Variants in ROBO1 observed in about 807,000 individuals in gnomAD.
The protein encoded by ROBO1 is roundabout homolog 1.
ROBO1 carries 149 observed loss-of-function variants against 195.9 expected under a neutral mutation model. The observed-to-expected ratio is 0.76, with a 90% CI of 0.67 to 0.87. ROBO1 has a LOEUF of 0.87. Ranked by LOEUF, ROBO1 falls within the 40% of genes least tolerant of loss-of-function variation. The probability of loss-of-function intolerance (pLI) is 0.00; values close to 1 mark genes in which losing one functional copy is unlikely to be tolerated. For missense variants in ROBO1, 1,933 were observed against 2,068.3 expected, an observed-to-expected ratio of 0.93 and a Z score of 1.27; for synonymous variants, 816 against 733.2, an observed-to-expected ratio of 1.11 and a Z score of -1.82.
intron 1 of ROBO1, among the ~76,000 whole-genome samples, chr3:79,713,754 T>C (rs1000362585): frequency 6.6e-6 from 1 of 152,166 alleles, no homozygotes; most frequent in African/African-American, 2.4e-5. Context: ...TTAATCCATC[T>C]TGAATTAATT....
intron 1 of ROBO1, among the ~76,000 whole-genome samples, chr3:79,723,726 AAGAAGT>A (rs1702796705): frequency 6.6e-6 from 1 of 152,202 alleles, no homozygotes. Context: ...ATCACACAGT[AAGAAGT>A]AGAAGAAAAT....
intron 3 of ROBO1, among the ~76,000 whole-genome samples, chr3:79,109,746 T>A (rs1381326022): frequency 6.6e-6 from 1 of 152,126 alleles, no homozygotes; most frequent in Non-Finnish European, 1.5e-5. Flanking sequence ...GAGACGTCAA[T>A]CTTTAAAATT....
At chr3:79,489,163 A>G (rs1029192412) in intron 2 of ROBO1, among the ~76,000 whole-genome samples, 1 of 151,810 alleles carries the variant, frequency 6.6e-6, no homozygotes. Flanking sequence ...TTTTTCTCAT[A>G]AGACTTCAGA....
intron 2 of ROBO1, among the ~76,000 whole-genome samples, chr3:79,274,795 A>C (rs909401830): frequency 6.6e-6 from 1 of 152,052 alleles, no homozygotes; most frequent in South Asian, 2.1e-4. Context: ...GAAATGATGA[A>C]GGAAACATTG....
chr3:79,043,801 A>C (rs2078533816), intron 3 of ROBO1, among the ~76,000 whole-genome samples: 1 of 152,138 alleles, frequency 6.6e-6, no homozygotes, highest in African/African-American at 2.4e-5. Context: ...ACAAATTCCA[A>C]AGTTAAATGC....
chr3:78,717,220 G>C, intron 7 of ROBO1, 55 bp downstream of exon 7: 8 of 1,502,386 alleles, frequency 5.3e-6, no homozygotes, highest in Non-Finnish European at 7.1e-6. Context: ...ATGATGTGAT[G>C]AGAAACGTAG....
chr3:79,475,996 A>C lies in ROBO1; in HGVS notation c.88+113828T>G, dbSNP rs1199729495. ...AAATAAAATAAATGGAGTTAAAATG[A>C]TATTAAAAATCTGTTGAAGGACTAA... is the stretch of plus-strand genomic sequence containing the variant. On this transcript the variant is annotated intron_variant, in intron 2 of 30. Coordinates refer to ENST00000464233, the MANE Select transcript of ROBO1 (RefSeq NM_002941.4). 2.0e-5 allele frequency among the ~76,000 whole-genome samples: 3 copies of C among 152,262 alleles called. No homozygotes were observed. The East Asian group carries it at 5.8e-4, about 29-fold the overall frequency.
chr3:79,109,977 T>C (rs1339489628), intron 3 of ROBO1, among the ~76,000 whole-genome samples: 1 of 152,122 alleles, frequency 6.6e-6, no homozygotes, highest in Admixed American at 6.6e-5. Context: ...TAATAATACA[T>C]GAAGCTTACT....
chr3:79,744,476 T>C (rs74447312), intron 1 of ROBO1, among the ~76,000 whole-genome samples: 1 of 152,118 alleles, frequency 6.6e-6, no homozygotes, highest in African/African-American at 2.4e-5. Context: ...GCTAATTAGG[T>C]CATGGGGATG....
intron 4 of ROBO1, among the ~76,000 whole-genome samples, chr3:78,834,788 T>C (rs991365749): frequency 6.6e-6 from 1 of 152,170 alleles, no homozygotes; most frequent in Non-Finnish European, 1.5e-5. Flanking sequence ...TTCATTTTTT[T>C]AAAGCAGGTC....
chr3:79,112,332 A>G (rs1350434311), intron 3 of ROBO1, among the ~76,000 whole-genome samples: 2 of 152,134 alleles, frequency 1.3e-5, no homozygotes, highest in Admixed American at 1.3e-4. Context: ...GCTCCTGCAC[A>G]TCTGAAAGGC....
At chr3:78,874,896 G>C (rs1237153991) in intron 4 of ROBO1, among the ~76,000 whole-genome samples, 2 of 151,704 alleles carry the variant, frequency 1.3e-5, no homozygotes, top group Non-Finnish European at 2.9e-5. Flanking sequence ...TTATTTATTA[G>C]ATTCAAATAA....
At chr3:79,530,364 G>C (rs1018943607) in intron 2 of ROBO1, among the ~76,000 whole-genome samples, 5 of 152,000 alleles carry the variant, frequency 3.3e-5, no homozygotes, top group African/African-American at 1.2e-4. Flanking sequence ...GTTCGAGAGA[G>C]ATTTTTTTTC....
At chr3:78,611,460 A>C (rs1703805423) in intron 28 of ROBO1, among the ~76,000 whole-genome samples, 1 of 152,206 alleles carries the variant, frequency 6.6e-6, no homozygotes, top group African/African-American at 2.4e-5. Flanking sequence ...ATATATCCTA[A>C]TCCTACCCTT....
chr3:79,767,599 C>T (rs942821517), intron 1 of ROBO1, among the ~76,000 whole-genome samples, 153 bp downstream of exon 1: 8 of 152,152 alleles, frequency 5.3e-5, no homozygotes, highest in Non-Finnish European at 1.2e-4. Flanking sequence ...CCCAAAACAC[C>T]CTGGCGCATC....
chr3:79,508,109 T>C (rs1315585787), intron 2 of ROBO1: 1 of 146,964 alleles, frequency 6.8e-6, no homozygotes. Context: ...TGTTGGGGGG[T>C]GGGGAGCTTG....
chr3:79,438,935 T>A (rs11921385), intron 2 of ROBO1, among the ~76,000 whole-genome samples: 5,215 of 152,134 alleles, frequency 0.034, 204 homozygotes, highest in African/African-American at 0.098. Flanking sequence ...TGAATAGGTA[T>A]GAAATCCTTC....
intron 3 of ROBO1, among the ~76,000 whole-genome samples, chr3:79,020,312 AC>A (rs935775993): frequency 6.6e-6 from 1 of 152,234 alleles, no homozygotes; most frequent in Middle Eastern, 3.2e-3. Context: ...TATTGCATTA[AC>A]AAAAAATACA....
chr3:79,581,260 T>C (rs769188294), intron 2 of ROBO1, among the ~76,000 whole-genome samples: 4 of 152,028 alleles, frequency 2.6e-5, no homozygotes, highest in Non-Finnish European at 1.5e-5. Context: ...AACCAAGCAA[T>C]AGAGGAAAAA....
Sources: allele counts gnomAD v4.1 joint callset (sites outside exome capture counted in the v4.1 genomes callset), GRCh38; gene constraint gnomAD v4.1.1; transcripts MANE v1.5; gene names NCBI Gene and HGNC (gene_info 2026-07-23, HGNC 2026-07-21).